The following PIP4K2A variants were observed in gnomAD, a reference collection of about 807,000 sequenced individuals.
PIP4K2A encodes the protein phosphatidylinositol-5-phosphate 4-kinase type 2 alpha, also known as phosphatidylinositol 5-phosphate 4-kinase type-2 alpha.
PIP4K2A carries 14 observed loss-of-function variants against 42.9 expected under a neutral mutation model. That is an observed-to-expected ratio of 0.33 (90% CI 0.22 to 0.51). PIP4K2A has a LOEUF of 0.51. Among genes scored for constraint, PIP4K2A ranks in the 20% least tolerant of loss-of-function variants. The probability of loss-of-function intolerance (pLI) is 0.97; values close to 1 mark genes in which losing one functional copy is unlikely to be tolerated. For missense variants in PIP4K2A, 434 were observed against 519.8 expected (o/e 0.83, Z 1.61); for synonymous variants, 192 against 192.2 (o/e 1.00, Z 0.01).
intron 1 of PIP4K2A, among the ~76,000 whole-genome samples, chr10:22,697,233 G>A (rs933604033): frequency 6.6e-6 from 1 of 152,092 alleles, no homozygotes; most frequent in African/African-American, 2.4e-5. Context: ...AAAGAAGCCT[G>A]AGTACTCAGT....
intron 1 of PIP4K2A, among the ~76,000 whole-genome samples, chr10:22,647,677 G>GT (rs1838911739): frequency 6.6e-6 from 1 of 152,210 alleles, no homozygotes; most frequent in Admixed American, 6.5e-5. Flanking sequence ...TTTGTTCCAA[G>GT]TAACAAGGAA....
At chr10:22,614,807 T>C (rs1344395709) in intron 1 of PIP4K2A, among the ~76,000 whole-genome samples, 4 of 152,214 alleles carry the variant, frequency 2.6e-5, no homozygotes, top group Admixed American at 6.5e-5. Context: ...GCCTGTTACT[T>C]TGCTCTTACC....
Position 22,664,154 on chromosome 10 carries a change from C to T in PIP4K2A, c.144+50029G>A, listed in dbSNP as rs1477523006. 7.7e-3 allele frequency among the ~76,000 whole-genome samples: 478 copies of T among 62,164 alleles called. 28 individuals carry two copies. Among genetic ancestry groups the T allele is most frequent in the Middle Eastern group, 0.041 (6 of 146 alleles). 40.8% of individuals were successfully genotyped at this position (62,164 alleles called of 152,430 possible). A position where few individuals can be genotyped will look rare whatever the true frequency, so the allele number is the denominator to read the frequency against. Reference sequence around the variant, plus strand: ...ACATATATATATACATATATATACACATATATATATATACATATATATATA... The same window carrying T: ...ACATATATATATACATATATATACATATATATATATATACATATATATATA... On this transcript the variant is annotated intron_variant, in intron 1 of 9. Transcript: ENST00000376573.
intron 1 of PIP4K2A, among the ~76,000 whole-genome samples, chr10:22,660,579 C>T (rs1313374151): frequency 1.3e-5 from 2 of 152,100 alleles, no homozygotes. Context: ...TGCTTTATGA[C>T]TCACAGGATC....
chr10:22,626,983 T>A (rs1838452617), intron 1 of PIP4K2A, among the ~76,000 whole-genome samples: 1 of 152,214 alleles, frequency 6.6e-6, no homozygotes, highest in African/African-American at 2.4e-5. Context: ...ACTAGTTGTT[T>A]TCATTACTTT....
At chr10:22,640,373 C>A (rs1838756179) in intron 1 of PIP4K2A, among the ~76,000 whole-genome samples, 1 of 152,112 alleles carries the variant, frequency 6.6e-6, no homozygotes, top group African/African-American at 2.4e-5. Context: ...TCTTTCTGCA[C>A]ACAGAAGAGC....
intron 1 of PIP4K2A, among the ~76,000 whole-genome samples, chr10:22,639,392 A>T (rs1838732771): frequency 6.6e-6 from 1 of 152,000 alleles, no homozygotes; most frequent in Admixed American, 6.5e-5. Flanking sequence ...ATTTTGATTA[A>T]CTTAGAGACA....
chr10:22,550,141 G>A (rs1836367265), intron 7 of PIP4K2A, among the ~76,000 whole-genome samples: 1 of 152,122 alleles, frequency 6.6e-6, no homozygotes. Flanking sequence ...AATGTGTAAG[G>A]GGGCCTCACT....
chr10:22,711,074 TCA>T (rs1833904253), intron 1 of PIP4K2A, among the ~76,000 whole-genome samples: 1 of 152,242 alleles, frequency 6.6e-6, no homozygotes, highest in East Asian at 1.9e-4. Flanking sequence ...CTTTATGTAT[TCA>T]GTTATATTCT....
intron 1 of PIP4K2A, among the ~76,000 whole-genome samples, chr10:22,667,954 GAGAC>G (rs1839381678): frequency 6.7e-6 from 1 of 149,438 alleles, no homozygotes; most frequent in South Asian, 2.1e-4. Flanking sequence ...GACAGAGAGA[GAGAC>G]AGACAGAAAG....
intron 1 of PIP4K2A, among the ~76,000 whole-genome samples, chr10:22,706,999 T>C (rs992679739): frequency 6.6e-6 from 1 of 150,708 alleles, no homozygotes; most frequent in Non-Finnish European, 1.5e-5. Context: ...AAAAAAAAAA[T>C]AGGATAGGCA....
At chr10:22,549,896 T>TTTTTCC (rs1455129667) in intron 7 of PIP4K2A, among the ~76,000 whole-genome samples, 1 of 151,632 alleles carries the variant, frequency 6.6e-6, no homozygotes, top group Non-Finnish European at 1.5e-5. Flanking sequence ...AAATAACCTT[T>TTTTTCC]TTTTCCTTTT....
intron 1 of PIP4K2A, among the ~76,000 whole-genome samples, chr10:22,666,845 A>G (rs1048029527): frequency 1.3e-5 from 2 of 152,204 alleles, no homozygotes; most frequent in African/African-American, 4.8e-5. Flanking sequence ...TCCTATACCG[A>G]TAGGAATAAT....
chr10:22,610,983 T>C (rs923742397), intron 1 of PIP4K2A, among the ~76,000 whole-genome samples: 1 of 152,156 alleles, frequency 6.6e-6, no homozygotes, highest in Non-Finnish European at 1.5e-5. Flanking sequence ...GATGATCAGA[T>C]ATAGAATTTT....
intron 9 of PIP4K2A, among the ~76,000 whole-genome samples, chr10:22,538,440 C>T (rs184444526): frequency 4.0e-4 from 61 of 152,294 alleles, no homozygotes; most frequent in African/African-American, 1.3e-3. Context: ...ATTTACAAAG[C>T]ATTTGTCCAG....
At chr10:22,539,921 GAGA>G (rs1836057969) in intron 9 of PIP4K2A, 47 bp downstream of exon 9, 2 of 992,464 alleles carry the variant, frequency 2.0e-6, no homozygotes, top group African/African-American at 3.5e-5. Flanking sequence ...GGGAGAGAGA[GAGA>G]GAGAGAGGGA....
chr10:22,562,280 G>A (rs547120751), intron 6 of PIP4K2A, among the ~76,000 whole-genome samples: 2 of 152,326 alleles, frequency 1.3e-5, no homozygotes, highest in East Asian at 3.9e-4. Flanking sequence ...CGGGCGCGGT[G>A]GCTAATGCCT....
chr10:22,687,685 G>A (rs974096530), intron 1 of PIP4K2A, among the ~76,000 whole-genome samples: 1 of 152,120 alleles, frequency 6.6e-6, no homozygotes, highest in Admixed American at 6.5e-5. Context: ...GATACAAAAT[G>A]ACGCAGCTTT....
chr10:22,695,127 T>C (rs1588711922), intron 1 of PIP4K2A, among the ~76,000 whole-genome samples: 1 of 152,322 alleles, frequency 6.6e-6, no homozygotes, highest in East Asian at 1.9e-4. Flanking sequence ...TGATACAAAC[T>C]CATCCACATA....
Sources: gnomAD v4.1 joint callset for allele counts (sites outside exome capture counted in the v4.1 genomes callset) on GRCh38, gnomAD v4.1.1 for gene constraint, MANE v1.5 for transcripts, NCBI Gene and HGNC (gene_info 2026-07-23, HGNC 2026-07-21) for gene names.